Variants in AGBL4 observed in about 807,000 individuals in gnomAD.
The protein encoded by AGBL4 is AGBL carboxypeptidase 4.
Under a neutral mutation model 66.4 loss-of-function variants are expected in AGBL4, and 58 were observed. The ratio of observed to expected loss-of-function variants is 0.87; its 90% CI spans 0.71 to 1.09. The LOEUF is 1.09. AGBL4 is among the 50% of genes least tolerant of loss of function. AGBL4 has a pLI of 0.00. For missense variants in AGBL4, 579 were observed against 631.0 expected (o/e 0.92, Z 0.88); for synonymous variants, 234 against 222.9 (o/e 1.05, Z -0.44).
intron 4 of AGBL4, among the ~76,000 whole-genome samples, chr1:49,165,599 A>C (rs1646619894): frequency 6.6e-6 from 1 of 151,878 alleles, no homozygotes; most frequent in African/African-American, 2.4e-5. Flanking sequence ...ATGTGATAAG[A>C]AATGAGAAAA....
chr1:48,714,079 G>C (rs1433742019), intron 6 of AGBL4, among the ~76,000 whole-genome samples: 1 of 152,154 alleles, frequency 6.6e-6, no homozygotes, highest in Admixed American at 6.5e-5. Context: ...AAGGTCGAAA[G>C]CTGGATGTGT....
chr1:49,609,107 C>T (rs1485065799), intron 3 of AGBL4, among the ~76,000 whole-genome samples: 1 of 152,082 alleles, frequency 6.6e-6, no homozygotes, highest in African/African-American at 2.4e-5. Context: ...TCTGTATTGC[C>T]TAACATCAGA....
chr1:49,533,333 A>C (rs576220470), intron 3 of AGBL4, among the ~76,000 whole-genome samples: 2 of 152,310 alleles, frequency 1.3e-5, no homozygotes, highest in South Asian at 4.1e-4. Context: ...TGACCTGGTC[A>C]GTTTAGAAAA....
chr1:48,562,586 G>C (rs1010089571), intron 11 of AGBL4, among the ~76,000 whole-genome samples: 7 of 152,322 alleles, frequency 4.6e-5, no homozygotes, highest in African/African-American at 1.7e-4. Context: ...GATAGATCAA[G>C]AGGTAAGTTA....
intron 2 of AGBL4, among the ~76,000 whole-genome samples, chr1:49,726,349 A>G (rs1649031535): frequency 6.6e-6 from 1 of 152,216 alleles, no homozygotes; most frequent in Non-Finnish European, 1.5e-5. Flanking sequence ...AAATCTTAAC[A>G]CAAGTCAGGT....
chr1:48,979,279 C>T (rs1659567928), intron 5 of AGBL4, among the ~76,000 whole-genome samples: 1 of 152,104 alleles, frequency 6.6e-6, no homozygotes, highest in African/African-American at 2.4e-5. Flanking sequence ...TATTCTAAAA[C>T]ATTACTCACT....
chr1:48,969,345 C>T (rs1386002529), intron 5 of AGBL4, among the ~76,000 whole-genome samples: 3 of 152,128 alleles, frequency 2.0e-5, no homozygotes, highest in African/African-American at 7.2e-5. Flanking sequence ...GTCGGAAATG[C>T]ACTCTTTGCA....
intron 6 of AGBL4, among the ~76,000 whole-genome samples, chr1:48,821,756 T>C (rs1646319488): frequency 6.6e-6 from 1 of 151,968 alleles, no homozygotes; most frequent in Admixed American, 6.6e-5. Context: ...TTTTTAAAAA[T>C]TAGAGATATT....
chr1:49,905,531 G>C (rs1241447250), intron 1 of AGBL4, among the ~76,000 whole-genome samples: 6 of 152,232 alleles, frequency 3.9e-5, no homozygotes, highest in Admixed American at 6.5e-5. Context: ...GCAGCAGAAA[G>C]CTGAAAACAG....
chr1:49,122,515 A>G (rs1645678756), intron 4 of AGBL4, among the ~76,000 whole-genome samples: 1 of 152,204 alleles, frequency 6.6e-6, no homozygotes, highest in Non-Finnish European at 1.5e-5. Flanking sequence ...TCTTGTACTG[A>G]TTAACAACAA....
At chr1:49,051,006 C>G (rs1369835458) in intron 4 of AGBL4, among the ~76,000 whole-genome samples, 1 of 152,026 alleles carries the variant, frequency 6.6e-6, no homozygotes, top group East Asian at 1.9e-4. Flanking sequence ...GAAGAGAAGT[C>G]CCAGACCTAA....
chr1:49,779,364 G>A (rs1644279311), intron 2 of AGBL4, among the ~76,000 whole-genome samples: 1 of 152,120 alleles, frequency 6.6e-6, no homozygotes, highest in South Asian at 2.1e-4. Context: ...AAATAAAATG[G>A]TGCCAGCTCT....
chr1:49,829,602 A>G (rs1363409055), intron 2 of AGBL4, among the ~76,000 whole-genome samples: 7 of 152,182 alleles, frequency 4.6e-5, no homozygotes, highest in Non-Finnish European at 1.0e-4. Context: ...TTCCAAAATC[A>G]TCTCACACAT....
At chr1:49,974,385 AG>A (rs1365616273) in intron 1 of AGBL4, among the ~76,000 whole-genome samples, 1 of 152,186 alleles carries the variant, frequency 6.6e-6, no homozygotes. Context: ...CAGCAATGAG[AG>A]GTTATAACTT....
chr1:48,856,468 C>T lies in AGBL4; in HGVS notation c.634+10723G>A, dbSNP rs889961103. Among the ~76,000 whole-genome samples the T allele has an allele frequency of 2.0e-5, 3 of 152,096 alleles. 1 individual carries two copies. Among genetic ancestry groups the T allele is most frequent in the Admixed American group, 2.0e-4 (3 of 15,260 alleles). On this transcript the variant is annotated intron_variant, in intron 6 of 13. Transcript: ENST00000371839. ...TAAAGCTGTTTTAATGATGTGTATG[C>T]AGTTTTTGAAACAGCCCCTCGGCTG... is the stretch of plus-strand genomic sequence containing the variant.
At chr1:49,257,640 C>T (rs1485422399) in intron 3 of AGBL4, among the ~76,000 whole-genome samples, 7 of 152,216 alleles carry the variant, frequency 4.6e-5, no homozygotes, top group African/African-American at 7.2e-5. Context: ...CAATGCCTCG[C>T]GCTGCTTTGG....
At chr1:48,936,007 G>C (rs1309326411) in intron 5 of AGBL4, among the ~76,000 whole-genome samples, 1 of 116,946 alleles carries the variant, frequency 8.6e-6, no homozygotes, top group Non-Finnish European at 1.8e-5. Flanking sequence ...ATACAAGATG[G>C]CTGGGTGTGG....
intron 4 of AGBL4, among the ~76,000 whole-genome samples, chr1:49,090,416 A>T (rs926271174): frequency 6.6e-6 from 1 of 152,190 alleles, no homozygotes; most frequent in Non-Finnish European, 1.5e-5. Flanking sequence ...AATGTACAAT[A>T]ATCAGTAGCA....
At chr1:48,807,058 C>A (rs981398747) in intron 6 of AGBL4, among the ~76,000 whole-genome samples, 1 of 152,220 alleles carries the variant, frequency 6.6e-6, no homozygotes, top group Non-Finnish European at 1.5e-5. Flanking sequence ...CCACTTGCCA[C>A]GTCTCTTCAA....
Sources: allele counts gnomAD v4.1 joint callset (sites outside exome capture counted in the v4.1 genomes callset), GRCh38; gene constraint gnomAD v4.1.1; transcripts MANE v1.5; gene names NCBI Gene and HGNC (gene_info 2026-07-23, HGNC 2026-07-21).